Variants in CPEB2 observed in about 807,000 individuals in gnomAD.
CPEB2 encodes cytoplasmic polyadenylation element binding protein 2, also known as cytoplasmic polyadenylation element-binding protein 2.
CPEB2 carries 56 observed loss-of-function variants against 93.6 expected under a neutral mutation model. That is an observed-to-expected ratio of 0.60 (90% CI 0.48 to 0.75). The LOEUF (loss-of-function observed/expected upper bound fraction) is 0.75, where lower values mean the gene tolerates loss of function less well. Among genes scored for constraint, CPEB2 ranks in the 30% least tolerant of loss-of-function variants. CPEB2 has a pLI of 0.00. For synonymous variants in CPEB2, 764 were observed against 586.3 expected (o/e 1.30, Z -4.38); for missense variants, 1,579 against 1,395.1 (o/e 1.13, Z -2.10).
intron 4 of CPEB2, 76 bp downstream of exon 4, chr4:15,017,354 T>C: frequency 1.4e-6 from 1 of 701,560 alleles, no homozygotes; most frequent in Non-Finnish European, 2.4e-6. Context: ...TATATGAAAG[T>C]GAAACCTAAG....
In CPEB2 at chr4:15,004,339, C is replaced by T. The variant is rs1260605931; in HGVS notation, c.1662+4C>T. 6.9e-7 allele frequency: 1 copy of T among 1,440,150 alleles called. No individual in the cohort carries two copies. The highest frequency in any genetic ancestry group is 2.4e-4 in the Middle Eastern group (1 of 4,182). The allele number at this position is 1,440,150 out of a possible 1,614,324, so 89.2% of individuals were successfully genotyped here. A position where few individuals can be genotyped will look rare whatever the true frequency, so the allele number is the denominator to read the frequency against. ...GAACTCCTATAACCACCACCAGGTA[C>T]GGCGGGCGGCGGCCTGGCCGCGCCG... On this transcript the variant is annotated splice_donor_region_variant and intron_variant, in intron 1 of 11. Coordinates refer to ENST00000538197, the MANE Select transcript of CPEB2 (RefSeq NM_001177382.2).
At chr4:15,061,202 G>A (rs1028435560) in intron 10 of CPEB2, among the ~76,000 whole-genome samples, 1 of 152,116 alleles carries the variant, frequency 6.6e-6, no homozygotes, top group African/African-American at 2.4e-5. Flanking sequence ...AAATGTAGGA[G>A]CTTAAAAACA....
chr4:15,060,067 A>G (rs148374490), intron 10 of CPEB2, among the ~76,000 whole-genome samples: 2 of 152,290 alleles, frequency 1.3e-5, no homozygotes, highest in East Asian at 1.9e-4. Context: ...TTGAGCTGAC[A>G]TATAAAGACT....
At chr4:15,032,870 GT>G (rs1726264458) in intron 4 of CPEB2, among the ~76,000 whole-genome samples, 2 of 152,010 alleles carry the variant, frequency 1.3e-5, no homozygotes, top group African/African-American at 4.8e-5. Context: ...TAGATATATT[GT>G]TTTTACATTC....
intron 1 of CPEB2, chr4:15,005,231 T>C (rs546540996): frequency 6.6e-6 from 1 of 152,266 alleles, no homozygotes; most frequent in Non-Finnish European, 1.5e-5. Flanking sequence ...GTTTCTGTGC[T>C]TTTCAATGTT....
chr4:15,060,271 C>G (rs1036628897), intron 10 of CPEB2, among the ~76,000 whole-genome samples: 2 of 152,088 alleles, frequency 1.3e-5, no homozygotes, highest in Admixed American at 6.6e-5. Flanking sequence ...AATAGACTAA[C>G]TCGGTATTTA....
intron 6 of CPEB2, among the ~76,000 whole-genome samples, chr4:15,047,133 C>G (rs12643777): frequency 0.067 from 10,182 of 152,210 alleles, 1,292 homozygotes; most frequent in East Asian, 0.56. Flanking sequence ...TTCCATTTAT[C>G]TGTCTAATAT....
Position 15,004,302 on chromosome 4 carries a change from C to T in CPEB2, c.1629C>T (p.Phe543=). 1 of 1,492,332 alleles carries T rather than the reference C, an allele frequency of 6.7e-7. No homozygotes were observed. The highest frequency in any genetic ancestry group is 1.2e-5 in the South Asian group (1 of 80,220). The allele number at this position is 1,492,332 out of a possible 1,614,324, so 92.4% of individuals were successfully genotyped here. The change falls in exon 1 of 12, where the codon TTC becomes TTT. Residue 543 remains phenylalanine (F), a synonymous_variant. Transcript: ENST00000538197. ...AGCACCAGGCGGCGGCCGCCGCCTTCCTGCAGCAGAGGAACTCCTATAACC... is the reference window on the plus strand; with the variant it reads ...AGCACCAGGCGGCGGCCGCCGCCTTTCTGCAGCAGAGGAACTCCTATAACC... The part of the protein sequence containing the change: ...QQQHQAAAAA[F]LQQRNSYNHH...
intron 4 of CPEB2, among the ~76,000 whole-genome samples, chr4:15,029,093 C>T (rs1294148673): frequency 6.6e-6 from 1 of 151,966 alleles, no homozygotes; most frequent in Non-Finnish European, 1.5e-5. Context: ...CTGTGCACAT[C>T]TTGTTGTGTA....
Position 15,029,019 on chromosome 4 carries a change from A to G in CPEB2, c.2126-4142A>G, listed in dbSNP as rs141933880. Among the ~76,000 whole-genome samples the G allele has an allele frequency of 2.4e-3, 359 of 152,224 alleles. 1 individual carries two copies. The highest frequency in any genetic ancestry group is 8.2e-3 in the African/African-American group (342 of 41,554). On this transcript the variant is annotated intron_variant, in intron 4 of 11. Transcript: ENST00000538197. ...ACTGGGGCTAGTTCCAGGACCACCC[A>G]GAGATACCAAGATCGGCAATGCTCA...
At chr4:15,061,412 A>G (rs1469816633) in intron 10 of CPEB2, among the ~76,000 whole-genome samples, 1 of 152,096 alleles carries the variant, frequency 6.6e-6, no homozygotes, top group Non-Finnish European at 1.5e-5. Flanking sequence ...TAGAAGCCAG[A>G]TGGAGAAAAT....
intron 4 of CPEB2, among the ~76,000 whole-genome samples, chr4:15,022,726 CTCTTA>C (rs1724950362): frequency 6.6e-6 from 1 of 151,976 alleles, no homozygotes; most frequent in Non-Finnish European, 1.5e-5. Context: ...GAGGTGATTA[CTCTTA>C]TAACGTACAT....
rs770661599 is a variant in CPEB2 at position 15,004,035 on chromosome 4, G to A, written c.1362G>A (p.Pro454=). The change falls in exon 1 of 12, where the codon CCG becomes CCA. Residue 454 remains proline (P), a synonymous_variant. Coordinates refer to ENST00000538197, the MANE Select transcript of CPEB2 (RefSeq NM_001177382.2). ...DSENGFYPGL[P]SSMNPAFFPS... ...AGAACGGCTTCTACCCCGGGCTGCCGTCGTCCATGAACCCGGCCTTCTTCC... is the reference window on the plus strand; with the variant it reads ...AGAACGGCTTCTACCCCGGGCTGCCATCGTCCATGAACCCGGCCTTCTTCC... 5.8e-6 allele frequency: 9 copies of A among 1,563,512 alleles called. No individual in the cohort carries two copies. Among genetic ancestry groups the A allele is most frequent in the Admixed American group, 1.8e-5 (1 of 54,100 alleles).
intron 8 of CPEB2, among the ~76,000 whole-genome samples, chr4:15,056,002 C>G (rs144807975): frequency 2.7e-4 from 41 of 152,310 alleles, no homozygotes; most frequent in African/African-American, 9.4e-4. Context: ...TCACTCCTAG[C>G]ACTCATCACA....
chr4:15,006,257 G>A (rs1276481145), intron 1 of CPEB2, among the ~76,000 whole-genome samples: 1 of 152,024 alleles, frequency 6.6e-6, no homozygotes, highest in African/African-American at 2.4e-5. Context: ...TGTAGATCAG[G>A]AGTTTCTCTT....
chr4:15,024,901 A>T (rs1725270001), intron 4 of CPEB2, among the ~76,000 whole-genome samples: 3 of 151,828 alleles, frequency 2.0e-5, no homozygotes, highest in Non-Finnish European at 4.4e-5. Context: ...GTCCACCACC[A>T]GGCCTGGCTA....
intron 1 of CPEB2, among the ~76,000 whole-genome samples, chr4:15,007,102 A>G (rs1722919250): frequency 6.6e-6 from 1 of 152,216 alleles, no homozygotes; most frequent in African/African-American, 2.4e-5. Flanking sequence ...TTTATAGTAT[A>G]CAAGAAGATG....
chr4:15,008,253 T>C, intron 2 of CPEB2, 85 bp from the exon 3 acceptor site: 1 of 949,464 alleles, frequency 1.1e-6, no homozygotes, highest in South Asian at 1.4e-5. Flanking sequence ...TAGAGCTTTA[T>C]TTTTTGTTTT....
At chr4:15,036,543 T>C (rs542957708) in intron 5 of CPEB2, among the ~76,000 whole-genome samples, 153 of 152,328 alleles carry the variant, frequency 1.0e-3, no homozygotes, top group African/African-American at 3.2e-3. Context: ...AAAAAAACCC[T>C]GCCTTCCATA....
Sources: gnomAD v4.1 joint callset for allele counts (sites outside exome capture counted in the v4.1 genomes callset) on GRCh38, gnomAD v4.1.1 for gene constraint, MANE v1.5 for transcripts, NCBI Gene and HGNC (gene_info 2026-07-23, HGNC 2026-07-21) for gene names.